LARP1B: variants seen among roughly 807,000 people sequenced by gnomAD.
LARP1B encodes La ribonucleoprotein 1B, also known as la-related protein 1B.
Under a neutral mutation model 114.2 loss-of-function variants are expected in LARP1B, and 76 were observed. The observed-to-expected ratio is 0.67, with a 90% confidence interval of 0.55 to 0.81. LARP1B has a LOEUF of 0.81. LARP1B is among the 30% of genes least tolerant of loss of function. The probability of loss-of-function intolerance (pLI) is 0.00; values close to 1 mark genes in which losing one functional copy is unlikely to be tolerated. For synonymous variants in LARP1B, 345 were observed against 348.0 expected (o/e 0.99, Z 0.10); for missense variants, 1,014 against 1,075.8 (o/e 0.94, Z 0.80).
chr4:128,110,551 C>T (rs1783713761), intron 9 of LARP1B, among the ~76,000 whole-genome samples: 4 of 148,286 alleles, frequency 2.7e-5, no homozygotes, highest in African/African-American at 9.9e-5. Flanking sequence ...GTGGCGGGCG[C>T]CTGTAGTCCC....
Position 128,145,891 on chromosome 4 carries a change from A to T in LARP1B, c.1525-16303A>T, listed in dbSNP as rs758324060. On this transcript the variant is annotated intron_variant, in intron 11 of 19. Transcript: ENST00000326639. ...TATTGGTTGCTCCGTCATAGCCAGAAGCAGAAGACCATACCCATTACATCA... is the reference window on the plus strand; with the variant it reads ...TATTGGTTGCTCCGTCATAGCCAGATGCAGAAGACCATACCCATTACATCA... 5.1e-4 allele frequency among the ~76,000 whole-genome samples: 78 copies of T among 152,362 alleles called. No individual in the cohort carries two copies. The Middle Eastern group carries it at 0.01, about 20-fold the overall frequency.
chr4:128,179,365 C>A, intron 14 of LARP1B, 41 bp from the exon 15 acceptor site: 3 of 1,273,092 alleles, frequency 2.4e-6, no homozygotes, highest in Non-Finnish European at 3.3e-6. Flanking sequence ...GAAGTTCACA[C>A]TATTGAAACT....
At chr4:128,065,325 C>T (rs1407187200) in intron 1 of LARP1B, among the ~76,000 whole-genome samples, 3,321 of 124,634 alleles carry the variant, frequency 0.027, 146 homozygotes, top group Non-Finnish European at 0.035. Context: ...TTCTCTCTCT[C>T]TCTCTCTTTC....
At chr4:128,074,277 G>A (rs890427627) in intron 1 of LARP1B, among the ~76,000 whole-genome samples, 183 bp from the exon 2 acceptor site, 1 of 152,184 alleles carries the variant, frequency 6.6e-6, no homozygotes, top group African/African-American at 2.4e-5. Context: ...TTTGGAGACT[G>A]AAGATCACCT....
intron 12 of LARP1B, among the ~76,000 whole-genome samples, chr4:128,175,216 AGT>A (rs1745388400): frequency 6.6e-6 from 1 of 152,122 alleles, no homozygotes; most frequent in Non-Finnish European, 1.5e-5. Context: ...TATAGGACTG[AGT>A]ATATTCAGGT....
intron 1 of LARP1B, among the ~76,000 whole-genome samples, chr4:128,065,719 C>T (rs4834226): frequency 0.65 from 98,686 of 151,928 alleles, 32,334 homozygotes; most frequent in Middle Eastern, 0.82. Context: ...GACTCATTTC[C>T]TCTGGTTCAT....
In LARP1B at chr4:128,196,248, CAAA is replaced by C. The variant is rs35423896; in HGVS notation, c.2004-3174_2004-3172del. The stretch of plus-strand genomic sequence containing the variant: ...CCTGGGCGACAGAGTGAGAGTCTGT[CAAA>C]AAAAAAAAAAAAAAAAGAAAGAAAG... On this transcript the variant is annotated intron_variant, in intron 15 of 19. Transcript: ENST00000326639. Among the ~76,000 whole-genome samples the C allele has an allele frequency of 6.8e-3, 598 of 88,568 alleles. 2 individuals carry two copies. Among genetic ancestry groups the C allele is most frequent in the Middle Eastern group, 0.026 (4 of 152 alleles). 58.1% of individuals were successfully genotyped at this position (88,568 alleles called of 152,430 possible).
intron 8 of LARP1B, among the ~76,000 whole-genome samples, chr4:128,098,536 G>A (rs4833396): frequency 1 from 150,730 of 151,106 alleles, 75,179 homozygotes; most frequent in Middle Eastern, 1. Flanking sequence ...CGATGTTACT[G>A]TGTATTTTCT....
rs1240877010 is a variant in LARP1B, at chr4:128,098,214, G to A, written c.697G>A (p.Glu233Lys). Residue 233 changes from glutamate (E) to lysine (K), a missense_variant, in exon 8 of 20, where the codon GAA becomes AAA. Glu to Lys is a moderately conservative substitution (Grantham distance 56, BLOSUM62 1). Coordinates refer to ENST00000326639, the MANE Select transcript of LARP1B (RefSeq NM_018078.4). ...IEYYFSVENL[E>K]RDFFLRGKMD... is the part of the protein sequence containing the mutation. ...ATATTACTTCAGTGTAGAAAATTTG[G>A]AACGAGACTTCTTTCTTCGGGGAAA... is the stretch of plus-strand genomic sequence containing the variant. 3 of 1,612,120 alleles carry A rather than the reference G, an allele frequency of 1.9e-6. No homozygotes were observed. The highest frequency in any genetic ancestry group is 2.5e-6 in the Non-Finnish European group (3 of 1,178,424).
intron 11 of LARP1B, among the ~76,000 whole-genome samples, chr4:128,127,719 G>C (rs192188117): frequency 6.6e-6 from 1 of 152,292 alleles, no homozygotes; most frequent in East Asian, 1.9e-4. Context: ...TATAATCCCA[G>C]CTACTTGGGA....
intron 11 of LARP1B, among the ~76,000 whole-genome samples, chr4:128,153,281 C>T (rs1269397927): frequency 6.7e-6 from 1 of 149,278 alleles, no homozygotes. Flanking sequence ...CCACGCCTGG[C>T]CTTGGTTTGC....
chr4:128,157,761 T>C (rs1437972323), intron 11 of LARP1B, among the ~76,000 whole-genome samples: 3 of 152,154 alleles, frequency 2.0e-5, no homozygotes, highest in South Asian at 4.1e-4. Context: ...ATTTATGAGA[T>C]GTAAAATAAA....
chr4:128,105,620 T>C (rs1781803782), intron 8 of LARP1B, among the ~76,000 whole-genome samples: 1 of 152,200 alleles, frequency 6.6e-6, no homozygotes, highest in African/African-American at 2.4e-5. Flanking sequence ...TGGCCAGGCG[T>C]GGTGTTTCAC....
intron 11 of LARP1B, among the ~76,000 whole-genome samples, chr4:128,135,450 T>C (rs1394096447): frequency 1.3e-5 from 2 of 152,298 alleles, no homozygotes; most frequent in East Asian, 3.9e-4. Flanking sequence ...AGGCAGGATC[T>C]CTAAGAGGTA....
intron 11 of LARP1B, chr4:128,155,786 T>G: frequency 6.3e-7 from 1 of 1,596,246 alleles, no homozygotes; most frequent in Non-Finnish European, 8.6e-7. Flanking sequence ...ACTGACTTCC[T>G]GCAGGCGGAG....
intron 15 of LARP1B, among the ~76,000 whole-genome samples, chr4:128,198,508 G>T (rs1754990630): frequency 6.6e-6 from 1 of 152,216 alleles, no homozygotes; most frequent in African/African-American, 2.4e-5. Flanking sequence ...GCATAACAAT[G>T]AAGGATGCAG....
intron 11 of LARP1B, among the ~76,000 whole-genome samples, chr4:128,129,164 CAAAAAAAAAAAAAAAAAAAAAA>C (rs559312234): frequency 3.3e-4 from 16 of 49,142 alleles, no homozygotes; most frequent in African/African-American, 4.8e-4. Context: ...GACTCTGTCT[CAAAAAAAAAAAAAAAAAAAAAA>C]AAAAAAAAAA....
At chr4:128,181,218 C>G (rs1316341556) in intron 15 of LARP1B, among the ~76,000 whole-genome samples, 1 of 143,998 alleles carries the variant, frequency 6.9e-6, no homozygotes, top group African/African-American at 2.6e-5. Context: ...GAGTCTCACT[C>G]TGTCTCCCAT....
intron 11 of LARP1B, among the ~76,000 whole-genome samples, chr4:128,140,155 G>C (rs2150199342): frequency 6.6e-6 from 1 of 152,162 alleles, no homozygotes; most frequent in Admixed American, 6.5e-5. Flanking sequence ...TTGTAGTTAT[G>C]GGAAATTTAA....
Sources: allele counts gnomAD v4.1 joint callset (sites outside exome capture counted in the v4.1 genomes callset), GRCh38; gene constraint gnomAD v4.1.1; transcripts MANE v1.5; gene names NCBI Gene and HGNC (gene_info 2026-07-23, HGNC 2026-07-21).